TBX5: variants seen among roughly 807,000 people sequenced by gnomAD.
TBX5 encodes T-box transcription factor 5.
In TBX5, 8 loss-of-function variants were observed where a neutral mutation model predicts 51.1. The observed-to-expected ratio is 0.16, with a 90% confidence interval of 0.09 to 0.28. TBX5 has a LOEUF of 0.28. Ranked by LOEUF, TBX5 falls within the 10% of genes least tolerant of loss-of-function variation. The pLI, the probability that TBX5 is intolerant of heterozygous loss-of-function variation, is 1.00. For synonymous variants in TBX5, 302 were observed against 266.4 expected (o/e 1.13, Z -1.30); for missense variants, 589 against 671.7 (o/e 0.88, Z 1.36).
chr12:114,370,519 A>T (rs1324957477), intron 7 of TBX5, among the ~76,000 whole-genome samples: 1 of 151,994 alleles, frequency 6.6e-6, no homozygotes, highest in Admixed American at 6.6e-5. Context: ...AGTTCTGGAG[A>T]TGTGGGTGCT....
intron 2 of TBX5, among the ~76,000 whole-genome samples, chr12:114,403,350 C>T (rs896997739): frequency 1.4e-4 from 22 of 152,210 alleles, no homozygotes; most frequent in Non-Finnish European, 3.2e-4. Flanking sequence ...TCGCTCATGC[C>T]GGCCTGAATC....
rs142234732 is a variant in TBX5, at chr12:114,386,983, A to G, written c.664-1416T>C. 1.3e-3 allele frequency among the ~76,000 whole-genome samples: 197 copies of G among 152,040 alleles called. 1 individual carries two copies. Among genetic ancestry groups the G allele is most frequent in the African/African-American group, 4.1e-3 (171 of 41,478 alleles). On this transcript the variant is annotated intron_variant, in intron 6 of 8. Transcript: ENST00000405440. ...TAGCCTGGCATGATGGCAGGCTCCT[A>G]TAATCCCAGCTACTCCAGAGGCTAA...
At chr12:114,404,392 T>G (rs1476063009) in intron 1 of TBX5, among the ~76,000 whole-genome samples, 1 of 152,096 alleles carries the variant, frequency 6.6e-6, no homozygotes. Flanking sequence ...CAAGATGCCG[T>G]CGAAACTCTT....
intron 1 of TBX5, among the ~76,000 whole-genome samples, chr12:114,405,167 G>C (rs1264873502): frequency 3.3e-5 from 5 of 152,206 alleles, no homozygotes; most frequent in Admixed American, 3.3e-4. Flanking sequence ...TCTAGAAATG[G>C]GGCCGAGGAG....
intron 7 of TBX5, among the ~76,000 whole-genome samples, chr12:114,375,425 A>G (rs1870134537): frequency 6.6e-6 from 1 of 152,214 alleles, no homozygotes; most frequent in African/African-American, 2.4e-5. Context: ...TCAATTGTGG[A>G]TGAACTCAAC....
chr12:114,407,524 G>T (rs1339232331), upstream of TBX5, among the ~76,000 whole-genome samples: 3 of 152,144 alleles, frequency 2.0e-5, no homozygotes, highest in Non-Finnish European at 4.4e-5. Flanking sequence ...TAATCTTCAG[G>T]CCCCTCCAGA....
chr12:114,402,816 G>GA lies in TBX5; in HGVS notation c.148-897dup, dbSNP rs5801054. 1.1e-3 allele frequency among the ~76,000 whole-genome samples: 172 copies of GA among 150,064 alleles called. 1 individual carries two copies. The highest frequency in any genetic ancestry group is 1.8e-3 in the Non-Finnish European group (120 of 67,236). On this transcript the variant is annotated intron_variant, in intron 2 of 8. Transcript: ENST00000405440. ...AAAGTGGGTTTGCTTTTCCTTAAAA[G>GA]AAAAAAAAAAATCCCTAAGTTTCCT... is the stretch of plus-strand genomic sequence containing the variant.
At position 114,355,229 on chromosome 12, in the gene TBX5, A is replaced by G. The variant is rs1269485821; in HGVS notation, c.*303T>C. 2 of 449,874 alleles carry G rather than the reference A, an allele frequency of 4.4e-6. No individual in the cohort carries two copies. Among genetic ancestry groups the G allele is most frequent in the South Asian group, 2.0e-5 (1 of 50,004 alleles). The allele number at this position is 449,874 out of a possible 1,614,324, so 27.9% of individuals were successfully genotyped here. A position where few individuals can be genotyped will look rare whatever the true frequency, so the allele number is the denominator to read the frequency against. ...CCCAAAAGAAGGAATGGGGGAAGAG[A>G]TCTGGGGAGTAGCGTGAATGTGGCT... On this transcript the variant is annotated 3_prime_UTR_variant, in exon 9 of 9. Coordinates refer to ENST00000405440, the MANE Select transcript of TBX5 (RefSeq NM_181486.4).
At chr12:114,408,413 G>A (rs2136431167), upstream of TBX5, 1 of 156,282 alleles carries the variant, frequency 6.4e-6, no homozygotes, top group African/African-American at 2.4e-5. Context: ...GAGTTGTTCC[G>A]GGGGACTGAG....
chr12:114,397,160 C>A (rs1593878476), intron 5 of TBX5, among the ~76,000 whole-genome samples: 1 of 152,134 alleles, frequency 6.6e-6, no homozygotes, highest in Non-Finnish European at 1.5e-5. Flanking sequence ...CCCCCTTGAC[C>A]AAATTCATTC....
rs537875482 is a variant in TBX5 at position 114,358,928 on chromosome 12, G to A, written c.983-2822C>T. Among the ~76,000 whole-genome samples, 18 of 151,430 alleles carry A rather than the reference G, an allele frequency of 1.2e-4. No individual in the cohort carries two copies. In the South Asian group the frequency reaches 3.5e-3, roughly 30 times the overall value. On this transcript the variant is annotated intron_variant, in intron 8 of 8. Coordinates refer to ENST00000405440, the MANE Select transcript of TBX5 (RefSeq NM_181486.4). ...ATTCATAAACCTGAGTGTTTCCATT[G>A]TTGCTGGAATCATAACCTTTGGGTT...
rs1869388298 is a variant in TBX5, at chr12:114,364,171, T to C, written c.982+1994A>G. Reference sequence around the variant, plus strand: ...TAGTCAAACTATGTTACTTTCCTCATGTAACCCCAGCTCCAGAAAAAGCTA... The same window carrying C: ...TAGTCAAACTATGTTACTTTCCTCACGTAACCCCAGCTCCAGAAAAAGCTA... On this transcript the variant is annotated intron_variant, in intron 8 of 8. Coordinates refer to ENST00000405440, the MANE Select transcript of TBX5 (RefSeq NM_181486.4). 2.0e-5 allele frequency among the ~76,000 whole-genome samples: 3 copies of C among 152,228 alleles called. 1 individual carries two copies. The South Asian group carries it at 6.2e-4, about 31-fold the overall frequency.
At chr12:114,369,651 A>G (rs1869746202) in intron 7 of TBX5, among the ~76,000 whole-genome samples, 1 of 152,236 alleles carries the variant, frequency 6.6e-6, no homozygotes, top group Non-Finnish European at 1.5e-5. Flanking sequence ...TTAGTATGAC[A>G]GAAATCTCTA....
intron 7 of TBX5, among the ~76,000 whole-genome samples, chr12:114,385,222 G>C (rs1414420196): frequency 6.6e-6 from 1 of 152,208 alleles, no homozygotes; most frequent in African/African-American, 2.4e-5. Flanking sequence ...TGTTCCCTGG[G>C]AGAATGGAGA....
At chr12:114,377,903 T>C (rs1870284189) in intron 7 of TBX5, among the ~76,000 whole-genome samples, 1 of 151,090 alleles carries the variant, frequency 6.6e-6, no homozygotes, top group Non-Finnish European at 1.5e-5. Context: ...CTGTGTAGAG[T>C]CCTTTCAATA....
At chr12:114,357,628 C>A (rs1432867187) in intron 8 of TBX5, among the ~76,000 whole-genome samples, 1 of 152,190 alleles carries the variant, frequency 6.6e-6, no homozygotes, top group East Asian at 1.9e-4. Flanking sequence ...AGGGCTAACA[C>A]CACCAGTCAG....
At chr12:114,397,092 C>T (rs564138110) in intron 5 of TBX5, among the ~76,000 whole-genome samples, 3 of 152,146 alleles carry the variant, frequency 2.0e-5, no homozygotes, top group Admixed American at 1.3e-4. Context: ...GTGCTTCAGC[C>T]CCAAGGCCTC....
In TBX5 at chr12:114,355,576, C is replaced by T. The variant is rs1481564704; in HGVS notation, c.1513G>A (p.Val505Met). The T allele has an allele frequency of 6.2e-7, 1 of 1,614,166 alleles. No individual in the cohort carries two copies. The highest frequency in any genetic ancestry group is 8.5e-7 in the Non-Finnish European group (1 of 1,180,038). The stretch of plus-strand genomic sequence containing the variant: ...TCTGGCACCATGCCAACTCCGTGCA[C>T]AGAGTGGTACTGATGAGGGGATAGA... ...RTLSPHQYHS[V>M]HGVGMVPEWS... The change falls in exon 9 of 9, where the codon GTG (valine) becomes ATG (methionine). Residue 505 changes from valine to methionine, a missense_variant. Coordinates refer to ENST00000405440, the MANE Select transcript of TBX5 (RefSeq NM_181486.4).
chr12:114,393,784 G>A (rs984027188), intron 6 of TBX5, among the ~76,000 whole-genome samples: 5 of 152,202 alleles, frequency 3.3e-5, no homozygotes, highest in African/African-American at 4.8e-5. Flanking sequence ...AAGCAATGCA[G>A]GTCTGCCTCC....
Sources: gnomAD v4.1 joint callset for allele counts (sites outside exome capture counted in the v4.1 genomes callset) on GRCh38, gnomAD v4.1.1 for gene constraint, MANE v1.5 for transcripts, NCBI Gene and HGNC (gene_info 2026-07-23, HGNC 2026-07-21) for gene names.